Variants in MSRB3 observed in about 807,000 individuals in gnomAD.
The protein encoded by MSRB3 is methionine-R-sulfoxide reductase B3.
Under a neutral mutation model 21.0 loss-of-function variants are expected in MSRB3, and 13 were observed. The ratio of observed to expected loss-of-function variants is 0.62; its 90% CI spans 0.40 to 0.98. MSRB3 has a LOEUF of 0.98. MSRB3 is among the 50% of genes least tolerant of loss of function. The pLI, the probability that MSRB3 is intolerant of heterozygous loss-of-function variation, is 0.00. For synonymous variants in MSRB3, 87 were observed against 88.6 expected, an observed-to-expected ratio of 0.98 and a Z score of 0.10; for missense variants, 199 against 230.3, an observed-to-expected ratio of 0.86 and a Z score of 0.88.
At chr12:65,398,999 G>T (rs531171199) in intron 5 of MSRB3, among the ~76,000 whole-genome samples, 169 of 152,162 alleles carry the variant, frequency 1.1e-3, no homozygotes, top group Non-Finnish European at 2.1e-3. Context: ...ATGCTGTTTT[G>T]GTTACTGTAG....
rs530287391 is a variant in MSRB3, at chr12:65,323,622, T to C, written c.77-3204T>C. 1.6e-3 allele frequency among the ~76,000 whole-genome samples: 248 copies of C among 152,320 alleles called. 1 individual carries two copies. Among genetic ancestry groups the C allele is most frequent in the African/African-American group, 5.7e-3 (238 of 41,564 alleles). ...AATACTAATGTTAAATTACCCTGTGTAATAAGAAAATTACAGTACCTAAGT... is the reference window on the plus strand; with the variant it reads ...AATACTAATGTTAAATTACCCTGTGCAATAAGAAAATTACAGTACCTAAGT... On this transcript the variant is annotated intron_variant, in intron 2 of 6. Transcript: ENST00000308259.
intron 5 of MSRB3, among the ~76,000 whole-genome samples, chr12:65,409,624 A>G (rs2136621605): frequency 1.3e-5 from 2 of 152,278 alleles, no homozygotes; most frequent in South Asian, 4.1e-4. Flanking sequence ...CAGGTTCTTT[A>G]AAATAATTGA....
chr12:65,333,159 C>T (rs1372860332), intron 4 of MSRB3, among the ~76,000 whole-genome samples: 1 of 152,172 alleles, frequency 6.6e-6, no homozygotes, highest in African/African-American at 2.4e-5. Flanking sequence ...CTTTGGTTGA[C>T]ACTTTCCTAG....
chr12:65,413,200 G>T (rs1196849029), intron 5 of MSRB3, among the ~76,000 whole-genome samples: 1 of 152,170 alleles, frequency 6.6e-6, no homozygotes, highest in African/African-American at 2.4e-5. Context: ...GTATTAAGAT[G>T]AACCCATCTC....
intron 2 of MSRB3, among the ~76,000 whole-genome samples, chr12:65,322,231 T>C (rs1874718714): frequency 6.6e-6 from 1 of 152,188 alleles, no homozygotes; most frequent in Admixed American, 6.6e-5. Context: ...AATAGATAAA[T>C]GTATGTAACT....
At chr12:65,432,663 TG>T (rs149625188) in intron 5 of MSRB3, among the ~76,000 whole-genome samples, 2,142 of 151,874 alleles carry the variant, frequency 0.014, 44 homozygotes, top group African/African-American at 0.048. Context: ...TTTTTACAGA[TG>T]TTTTTTTCCA....
chr12:65,448,953 A>G (rs979913707), intron 5 of MSRB3, among the ~76,000 whole-genome samples: 6 of 152,226 alleles, frequency 3.9e-5, no homozygotes, highest in African/African-American at 1.4e-4. Flanking sequence ...TTGCAACCAA[A>G]TGGGTCTTTG....
chr12:65,382,539 CTTGT>C (rs1439728244), intron 5 of MSRB3, among the ~76,000 whole-genome samples: 1 of 151,650 alleles, frequency 6.6e-6, no homozygotes, highest in Non-Finnish European at 1.5e-5. Context: ...TATTTTGTGG[CTTGT>C]TTGATATCAC....
At chr12:65,341,799 G>T (rs559917228) in intron 4 of MSRB3, among the ~76,000 whole-genome samples, 9 of 152,004 alleles carry the variant, frequency 5.9e-5, no homozygotes, top group African/African-American at 1.9e-4. Context: ...GACAAGGTAA[G>T]GTTTATTTCA....
intron 5 of MSRB3, among the ~76,000 whole-genome samples, chr12:65,399,322 A>G (rs1369658395): frequency 1.3e-5 from 2 of 152,138 alleles, no homozygotes; most frequent in African/African-American, 4.8e-5. Context: ...GGTCCTTCAC[A>G]ACCATTGTAA....
At chr12:65,405,844 A>AT (rs927211192) in intron 5 of MSRB3, among the ~76,000 whole-genome samples, 14 of 151,642 alleles carry the variant, frequency 9.2e-5, no homozygotes, top group Non-Finnish European at 1.8e-4. Context: ...GATGTTGAGC[A>AT]TTTTTTTCAT....
At chr12:65,452,705 G>C (rs1882909886) in intron 5 of MSRB3, among the ~76,000 whole-genome samples, 1 of 152,124 alleles carries the variant, frequency 6.6e-6, no homozygotes, top group Admixed American at 6.5e-5. Context: ...TGTTTTGTTT[G>C]AAACTAAAAA....
intron 2 of MSRB3, among the ~76,000 whole-genome samples, chr12:65,322,617 C>T (rs1417005266): frequency 7.2e-6 from 1 of 138,720 alleles, no homozygotes; most frequent in Admixed American, 7.7e-5. Context: ...GCTGAACTCA[C>T]ACCACTGGAC....
At chr12:65,338,030 C>A (rs1171221159) in intron 4 of MSRB3, among the ~76,000 whole-genome samples, 1 of 152,134 alleles carries the variant, frequency 6.6e-6, no homozygotes, top group Admixed American at 6.5e-5. Context: ...ATCCTAGGTA[C>A]TTGACTATTT....
intron 4 of MSRB3, among the ~76,000 whole-genome samples, chr12:65,344,909 C>G (rs1423960771): frequency 6.6e-6 from 1 of 151,984 alleles, no homozygotes; most frequent in African/African-American, 2.4e-5. Context: ...TCTGATGTAG[C>G]AAGATTATAG....
intron 1 of MSRB3, among the ~76,000 whole-genome samples, chr12:65,294,586 G>T (rs917301306): frequency 6.6e-6 from 1 of 152,164 alleles, no homozygotes; most frequent in Non-Finnish European, 1.5e-5. Context: ...CCTTGTGCAT[G>T]TGTGCACATG....
rs1354187508 is a variant in MSRB3, at chr12:65,396,694, AAAAAAAAAAAAAAGAAAG to A, written c.292+27672_292+27689del. ...TGACAAGAGTGAAACTCCATCTCAA[AAAAAAAAAAAAAAGAAAG>A]AAAGAAAGAAAGAAAGAAAGAAAGA... is the stretch of plus-strand genomic sequence containing the variant. On this transcript the variant is annotated intron_variant, in intron 5 of 6. Coordinates refer to ENST00000308259, the MANE Select transcript of MSRB3 (RefSeq NM_001031679.3). 1.6e-3 allele frequency among the ~76,000 whole-genome samples: 46 copies of A among 29,262 alleles called. 1 individual carries two copies. In the South Asian group the frequency reaches 0.032, roughly 20 times the overall value. 19.2% of individuals were successfully genotyped at this position (29,262 alleles called of 152,430 possible). A position where few individuals can be genotyped will look rare whatever the true frequency, so the allele number is the denominator to read the frequency against.
chr12:65,318,053 A>G (rs1167836714), intron 2 of MSRB3, among the ~76,000 whole-genome samples: 4 of 152,082 alleles, frequency 2.6e-5, no homozygotes, highest in Admixed American at 2.6e-4. Context: ...AGGGCAAGAC[A>G]TGGCTTTTCT....
intron 6 of MSRB3, among the ~76,000 whole-genome samples, chr12:65,459,325 C>T (rs936057156): frequency 1.3e-5 from 2 of 152,102 alleles, no homozygotes; most frequent in Admixed American, 1.3e-4. Context: ...GTAAAAACCC[C>T]AAACCTTATT....
Sources: allele counts gnomAD v4.1 joint callset (sites outside exome capture counted in the v4.1 genomes callset), GRCh38; gene constraint gnomAD v4.1.1; transcripts MANE v1.5; gene names NCBI Gene and HGNC (gene_info 2026-07-23, HGNC 2026-07-21).